Variants in PLD1 observed in about 807,000 individuals in gnomAD.
PLD1 encodes choline phosphatase 1.
In PLD1, 112 loss-of-function variants were observed where a neutral mutation model predicts 137.1. The observed-to-expected ratio is 0.82, with a 90% CI of 0.70 to 0.96. PLD1 has a LOEUF of 0.96. Ranked by LOEUF, PLD1 falls within the 40% of genes least tolerant of loss-of-function variation. PLD1 has a pLI of 0.00. For missense variants in PLD1, 1,321 were observed against 1,342.0 expected (o/e 0.98, Z 0.24); for synonymous variants, 431 against 454.7 (o/e 0.95, Z 0.66).
Position 171,758,149 on chromosome 3 carries a change from C to A in PLD1, c.-31-20067G>T, listed in dbSNP as rs1721155423. On this transcript the variant is annotated intron_variant, in intron 1 of 26. Transcript: ENST00000351298. Reference sequence around the variant, plus strand: ...CTACTAATAGCTAATAGTTAGCAAACCCTTATTAAGTATGTACATTATATT... The same window carrying A: ...CTACTAATAGCTAATAGTTAGCAAAACCTTATTAAGTATGTACATTATATT... 2.0e-5 allele frequency among the ~76,000 whole-genome samples: 3 copies of A among 152,176 alleles called. No individual in the cohort carries two copies. The South Asian group carries it at 6.2e-4, about 31-fold the overall frequency.
chr3:171,702,507 AAGAC>A lies in PLD1; in HGVS notation c.1146-2685_1146-2682del, dbSNP rs1168489642. 2.6e-5 allele frequency among the ~76,000 whole-genome samples: 4 copies of A among 152,170 alleles called. No homozygotes were observed. The East Asian group carries it at 7.7e-4, about 29-fold the overall frequency. On this transcript the variant is annotated intron_variant, in intron 11 of 26. Coordinates refer to ENST00000351298, the MANE Select transcript of PLD1 (RefSeq NM_002662.5). ...TGTCTCAAAAAAAAAAAAGGAGTGAAAGACAGGTAATCACTATAGGGCCTAGAGG... is the reference window on the plus strand; with the variant it reads ...TGTCTCAAAAAAAAAAAAGGAGTGAAAGGTAATCACTATAGGGCCTAGAGG...
chr3:171,810,234 G>T (rs1724058284), intron 1 of PLD1, among the ~76,000 whole-genome samples, 165 bp downstream of exon 1: 1 of 152,222 alleles, frequency 6.6e-6, no homozygotes, highest in Non-Finnish European at 1.5e-5. Flanking sequence ...AGGCCCTTGG[G>T]GATCGCTAGG....
intron 23 of PLD1, among the ~76,000 whole-genome samples, chr3:171,638,513 CCTAT>C (rs1406347080): frequency 6.6e-6 from 1 of 152,078 alleles, no homozygotes; most frequent in Non-Finnish European, 1.5e-5. Context: ...ATTCCTTTCT[CCTAT>C]CTATTTTTGG....
At chr3:171,610,712 A>G (rs948307416) in intron 25 of PLD1, among the ~76,000 whole-genome samples, 8 of 152,276 alleles carry the variant, frequency 5.3e-5, no homozygotes, top group Admixed American at 5.2e-4. Context: ...CAATGGGTTA[A>G]TTAGCAGGGT....
chr3:171,735,222 G>T (rs946286057), intron 4 of PLD1, among the ~76,000 whole-genome samples: 1 of 152,106 alleles, frequency 6.6e-6, no homozygotes, highest in Non-Finnish European at 1.5e-5. Flanking sequence ...TAAACTCTTG[G>T]GCTCAAGCAA....
intron 25 of PLD1, among the ~76,000 whole-genome samples, chr3:171,611,927 TA>T (rs1384208004): frequency 1.3e-5 from 2 of 151,942 alleles, no homozygotes; most frequent in African/African-American, 4.8e-5. Context: ...AAAAAATTTT[TA>T]AAAATTAGCT....
Position 171,676,744 on chromosome 3 carries a change from G to T in PLD1, c.2086C>A (p.His696Asn). 6.2e-7 allele frequency: 1 copy of T among 1,614,078 alleles called. No individual in the cohort carries two copies. The highest frequency in any genetic ancestry group is 1.1e-5 in the South Asian group (1 of 91,080). The change falls in exon 18 of 27, where the codon CAC becomes AAC. Residue 696 changes from histidine to asparagine, a missense_variant. Physicochemically the swap from His to Asn is moderately conservative, Grantham distance 68. Coordinates refer to ENST00000351298, the MANE Select transcript of PLD1 (RefSeq NM_002662.5). ...HGKAARDVAR[H>N]FIQRWNFTKI... is the part of the protein sequence containing the mutation. ...GTGAAGTTCCAGCGCTGGATGAAGT[G>T]ACGTGCCACATCACGAGCCGCCTTC...
intron 1 of PLD1, among the ~76,000 whole-genome samples, chr3:171,768,887 G>A (rs1269228230): frequency 6.6e-6 from 1 of 152,140 alleles, no homozygotes; most frequent in Non-Finnish European, 1.5e-5. Flanking sequence ...AAAATTAGAT[G>A]GTATGTTATG....
intron 9 of PLD1, among the ~76,000 whole-genome samples, chr3:171,713,048 A>G (rs932366736): frequency 6.6e-6 from 1 of 152,204 alleles, no homozygotes; most frequent in Non-Finnish European, 1.5e-5. Flanking sequence ...ACAGAGACAA[A>G]TGGATATATA....
chr3:171,667,689 C>G (rs1394012064), intron 19 of PLD1, among the ~76,000 whole-genome samples: 1 of 152,214 alleles, frequency 6.6e-6, no homozygotes, highest in Non-Finnish European at 1.5e-5. Flanking sequence ...TTACTGGAAA[C>G]AGTATCCATA....
intron 19 of PLD1, among the ~76,000 whole-genome samples, chr3:171,673,277 A>C (rs957134999): frequency 4.6e-5 from 7 of 150,720 alleles, no homozygotes; most frequent in African/African-American, 1.7e-4. Context: ...TATTTCTCTC[A>C]AGCAGCTTAT....
intron 23 of PLD1, among the ~76,000 whole-genome samples, chr3:171,636,844 G>T (rs1477009779): frequency 6.6e-6 from 1 of 152,102 alleles, no homozygotes; most frequent in African/African-American, 2.4e-5. Flanking sequence ...GATCATAGAG[G>T]GGAAAGCTTT....
chr3:171,807,468 T>C (rs976813829), intron 1 of PLD1, among the ~76,000 whole-genome samples: 12 of 152,158 alleles, frequency 7.9e-5, no homozygotes, highest in African/African-American at 2.9e-4. Context: ...AGCACAACGA[T>C]GTGAATGTAT....
intron 23 of PLD1, among the ~76,000 whole-genome samples, chr3:171,640,493 T>C (rs1032921572): frequency 6.6e-6 from 1 of 152,240 alleles, no homozygotes; most frequent in Non-Finnish European, 1.5e-5. Context: ...TTTTGTTATT[T>C]ATAATTTCAT....
At chr3:171,666,400 A>G (rs35118621) in intron 19 of PLD1, 1 of 152,242 alleles carries the variant, frequency 6.6e-6, no homozygotes, top group South Asian at 2.1e-4. Flanking sequence ...AGACTTATTC[A>G]CTATCACAAG....
At chr3:171,720,858 C>A (rs571054490) in intron 8 of PLD1, among the ~76,000 whole-genome samples, 1 of 152,078 alleles carries the variant, frequency 6.6e-6, no homozygotes, top group Admixed American at 6.6e-5. Flanking sequence ...TGTAACAAAG[C>A]CTTTCCCTCA....
chr3:171,642,389 G>A (rs1346175264), intron 23 of PLD1, among the ~76,000 whole-genome samples: 19 of 150,168 alleles, frequency 1.3e-4, no homozygotes, highest in Admixed American at 9.3e-4. Flanking sequence ...CCCAGGAGGC[G>A]GAGGTTGCAG....
intron 20 of PLD1, among the ~76,000 whole-genome samples, chr3:171,661,611 G>A (rs186421209): frequency 6.6e-6 from 1 of 152,136 alleles, no homozygotes; most frequent in African/African-American, 2.4e-5. Context: ...CCTTTTCCAC[G>A]TTCTTTTCCC....
chr3:171,782,321 T>C (rs1722827409), intron 1 of PLD1, among the ~76,000 whole-genome samples: 2 of 152,174 alleles, frequency 1.3e-5, no homozygotes, highest in African/African-American at 4.8e-5. Context: ...TGAAAAGGGT[T>C]TGGATTGCAG....
Sources: allele counts gnomAD v4.1 joint callset (sites outside exome capture counted in the v4.1 genomes callset), GRCh38; gene constraint gnomAD v4.1.1; transcripts MANE v1.5; gene names NCBI Gene and HGNC (gene_info 2026-07-23, HGNC 2026-07-21).